SPAG16: variants seen among roughly 807,000 people sequenced by gnomAD.
SPAG16 encodes sperm-associated antigen 16 protein.
In SPAG16, 86 loss-of-function variants were observed where a neutral mutation model predicts 80.4. The ratio of observed to expected loss-of-function variants is 1.07; its 90% confidence interval spans 0.90 to 1.28. SPAG16 has a LOEUF of 1.28. SPAG16 is among the 50% of genes most tolerant of loss of function. The pLI, the probability that SPAG16 is intolerant of heterozygous loss-of-function variation, is 0.00. For synonymous variants in SPAG16, 294 were observed against 265.9 expected (o/e 1.11, Z -1.03); for missense variants, 870 against 765.3 (o/e 1.14, Z -1.61).
At chr2:214,337,802 G>C (rs972393118) in intron 15 of SPAG16, among the ~76,000 whole-genome samples, 1 of 152,074 alleles carries the variant, frequency 6.6e-6, no homozygotes, top group Non-Finnish European at 1.5e-5. Context: ...AAAACTCAGG[G>C]CTTCCTTTCT....
At chr2:213,489,082 A>G (rs1278084818) in intron 9 of SPAG16, among the ~76,000 whole-genome samples, 1 of 69,914 alleles carries the variant, frequency 1.4e-5, no homozygotes, top group Non-Finnish European at 3.9e-5. Flanking sequence ...CTCAAAAACG[A>G]AAAAAAAAAA....
At position 214,313,170 on chromosome 2, in the gene SPAG16, T is replaced by C. The variant is rs11894604; in HGVS notation, c.1721-96970T>C. 7.2e-3 allele frequency among the ~76,000 whole-genome samples: 1,093 copies of C among 152,240 alleles called. 11 individuals carry two copies. The highest frequency in any genetic ancestry group is 0.025 in the African/African-American group (1,055 of 41,554). On this transcript the variant is annotated intron_variant, in intron 15 of 15. Transcript: ENST00000331683. ...AATCAAACATTTACTTTAGTGAAATTGAAATTATTATTTACCTACCTAAGT... is the reference window on the plus strand; with the variant it reads ...AATCAAACATTTACTTTAGTGAAATCGAAATTATTATTTACCTACCTAAGT...
intron 10 of SPAG16, among the ~76,000 whole-genome samples, chr2:213,621,585 C>T (rs910798304): frequency 6.6e-6 from 1 of 151,986 alleles, no homozygotes; most frequent in Non-Finnish European, 1.5e-5. Context: ...TAGAAATGTA[C>T]CTGGAGACAG....
chr2:213,915,238 T>A lies in SPAG16; in HGVS notation c.1215-14722T>A, dbSNP rs181794568. The stretch of plus-strand genomic sequence containing the variant: ...GTGGTTTGCTGCACCCATCAACCCA[T>A]CATCTACATTAGGTATTTCTTCTAA... On this transcript the variant is annotated intron_variant, in intron 11 of 15. Coordinates refer to ENST00000331683, the MANE Select transcript of SPAG16 (RefSeq NM_024532.5). Among the ~76,000 whole-genome samples the A allele has an allele frequency of 2.0e-5, 3 of 152,044 alleles. No homozygotes were observed. In the East Asian group the frequency reaches 5.8e-4, roughly 30 times the overall value.
At position 214,153,058 on chromosome 2, in the gene SPAG16, A is replaced by T. The variant is rs1030611102; in HGVS notation, c.1720+3792A>T. On this transcript the variant is annotated intron_variant, in intron 15 of 15. Transcript: ENST00000331683. ...TGACTAGTGTCAGGCCCTCCACAAG[A>T]GGTGGAGGAGCAGTCTTCTCTAAAC... 3.9e-5 allele frequency among the ~76,000 whole-genome samples: 6 copies of T among 152,068 alleles called. No homozygotes were observed. In the Middle Eastern group the frequency reaches 0.01, roughly 259 times the overall value.
chr2:213,454,299 A>G (rs2071873508), intron 9 of SPAG16, among the ~76,000 whole-genome samples: 1 of 152,194 alleles, frequency 6.6e-6, no homozygotes, highest in Non-Finnish European at 1.5e-5. Context: ...AAAGCAGTGT[A>G]TATTTCTTAC....
intron 11 of SPAG16, among the ~76,000 whole-genome samples, chr2:213,926,611 T>C (rs1392564524): frequency 6.6e-6 from 1 of 152,124 alleles, no homozygotes; most frequent in South Asian, 2.1e-4. Context: ...ATTTTTAAAA[T>C]TTCTAAATAT....
chr2:214,196,036 A>T (rs1361718690), intron 15 of SPAG16, among the ~76,000 whole-genome samples: 1 of 151,558 alleles, frequency 6.6e-6, no homozygotes, highest in Non-Finnish European at 1.5e-5. Flanking sequence ...GTAAAAAGTT[A>T]CCAGAACCAG....
intron 10 of SPAG16, among the ~76,000 whole-genome samples, chr2:213,838,248 C>T (rs555004594): frequency 2.6e-5 from 4 of 152,078 alleles, no homozygotes; most frequent in Admixed American, 6.5e-5. Flanking sequence ...CTTGACTCAC[C>T]GCAACCTCTG....
chr2:214,361,388 T>C (rs929834824), intron 15 of SPAG16, among the ~76,000 whole-genome samples: 1 of 151,858 alleles, frequency 6.6e-6, no homozygotes, highest in Non-Finnish European at 1.5e-5. Context: ...ATTCTTAGGC[T>C]ACATTCTACA....
At chr2:213,545,627 T>C (rs896968232) in intron 10 of SPAG16, among the ~76,000 whole-genome samples, 7 of 152,142 alleles carry the variant, frequency 4.6e-5, no homozygotes, top group Non-Finnish European at 8.8e-5. Context: ...TTATGGAATC[T>C]TTGCAGTTTT....
chr2:214,028,662 G>GT (rs1387458338), intron 13 of SPAG16, among the ~76,000 whole-genome samples: 1 of 151,846 alleles, frequency 6.6e-6, no homozygotes, highest in Non-Finnish European at 1.5e-5. Context: ...AGAATCTTCT[G>GT]TATTTCTGAT....
At chr2:214,356,251 T>C (rs1698791678) in intron 15 of SPAG16, among the ~76,000 whole-genome samples, 1 of 152,026 alleles carries the variant, frequency 6.6e-6, no homozygotes, top group South Asian at 2.1e-4. Context: ...ATATACATTT[T>C]ACTCCTGAAG....
At chr2:213,714,280 C>T (rs756653872) in intron 10 of SPAG16, among the ~76,000 whole-genome samples, 1 of 152,178 alleles carries the variant, frequency 6.6e-6, no homozygotes, top group Non-Finnish European at 1.5e-5. Flanking sequence ...TTTGTGGTGT[C>T]TGCCAAAAAC....
chr2:214,375,620 C>T (rs552274913), intron 15 of SPAG16, among the ~76,000 whole-genome samples: 78 of 152,134 alleles, frequency 5.1e-4, no homozygotes, highest in South Asian at 4.4e-3. Context: ...GAAATGTGAA[C>T]GTATATGGTA....
chr2:213,891,435 C>T (rs973016375), intron 11 of SPAG16, among the ~76,000 whole-genome samples: 19 of 152,092 alleles, frequency 1.2e-4, no homozygotes, highest in African/African-American at 4.6e-4. Context: ...TAGATACAAT[C>T]ATTCTGAGGT....
chr2:214,330,321 G>A (rs1576798135), intron 15 of SPAG16, among the ~76,000 whole-genome samples: 1 of 151,666 alleles, frequency 6.6e-6, no homozygotes, highest in Non-Finnish European at 1.5e-5. Context: ...TGTATGGCAC[G>A]GCACAAACAC....
At chr2:213,833,959 C>T (rs2073942815) in intron 10 of SPAG16, among the ~76,000 whole-genome samples, 1 of 151,902 alleles carries the variant, frequency 6.6e-6, no homozygotes, top group Non-Finnish European at 1.5e-5. Flanking sequence ...ATTTTATCTC[C>T]CAGAATTCCC....
intron 15 of SPAG16, among the ~76,000 whole-genome samples, chr2:214,348,170 G>T (rs1403654801): frequency 6.6e-6 from 1 of 152,146 alleles, no homozygotes; most frequent in Non-Finnish European, 1.5e-5. Context: ...CACATGAAGA[G>T]GAGTGATAAC....
Sources: allele counts gnomAD v4.1 joint callset (sites outside exome capture counted in the v4.1 genomes callset), GRCh38; gene constraint gnomAD v4.1.1; transcripts MANE v1.5; gene names NCBI Gene and HGNC (gene_info 2026-07-23, HGNC 2026-07-21).